OLFML1: variants seen among roughly 807,000 people sequenced by gnomAD.
The protein encoded by OLFML1 is olfactomedin like 1.
OLFML1 carries 33 observed loss-of-function variants against 37.3 expected under a neutral mutation model. The observed-to-expected ratio is 0.88, with a 90% CI of 0.67 to 1.18. The LOEUF is 1.18. OLFML1 is among the 50% of genes most tolerant of loss of function. The pLI, the probability that OLFML1 is intolerant of heterozygous loss-of-function variation, is 0.00. For synonymous variants in OLFML1, 186 were observed against 181.3 expected (o/e 1.03, Z -0.21); for missense variants, 545 against 483.7 (o/e 1.13, Z -1.19).
chr11:7,506,590 A>G (rs1164197931), intron 2 of OLFML1, among the ~76,000 whole-genome samples: 10 of 152,202 alleles, frequency 6.6e-5, no homozygotes, highest in Non-Finnish European at 2.9e-5. Flanking sequence ...TATGGTATTT[A>G]GGGCTCAGCT....
At chr11:7,492,859 ATAAC>A (rs1264266140) in intron 2 of OLFML1, among the ~76,000 whole-genome samples, 8 of 152,212 alleles carry the variant, frequency 5.3e-5, no homozygotes, top group Admixed American at 2.6e-4. Flanking sequence ...CTTTGGAACT[ATAAC>A]TATTATTAAA....
At chr11:7,495,084 C>T (rs545945235) in intron 2 of OLFML1, among the ~76,000 whole-genome samples, 2 of 152,290 alleles carry the variant, frequency 1.3e-5, no homozygotes, top group Admixed American at 1.3e-4. Flanking sequence ...CTTTGGCCCT[C>T]GTCTGACAGG....
chr11:7,500,911 A>C (rs1000244523), intron 2 of OLFML1, among the ~76,000 whole-genome samples: 3 of 152,106 alleles, frequency 2.0e-5, no homozygotes, highest in African/African-American at 7.2e-5. Context: ...TTAAAAAAAG[A>C]ATTATATGAG....
At chr11:7,503,180 G>C (rs1848743615) in intron 2 of OLFML1, among the ~76,000 whole-genome samples, 1 of 152,174 alleles carries the variant, frequency 6.6e-6, no homozygotes. Flanking sequence ...AAGATACAAA[G>C]TTGGTAGTCA....
At chr11:7,493,613 T>C (rs1264793091) in intron 2 of OLFML1, among the ~76,000 whole-genome samples, 1 of 152,212 alleles carries the variant, frequency 6.6e-6, no homozygotes, top group Non-Finnish European at 1.5e-5. Flanking sequence ...GCTTAACCTG[T>C]GCTTTCCCTT....
At chr11:7,506,747 T>C (rs902644642) in intron 2 of OLFML1, among the ~76,000 whole-genome samples, 1 of 152,098 alleles carries the variant, frequency 6.6e-6, no homozygotes, top group Non-Finnish European at 1.5e-5. Context: ...GTGGCATAAC[T>C]AGGGGTTGAT....
intron 2 of OLFML1, among the ~76,000 whole-genome samples, chr11:7,500,650 T>C (rs1590061443): frequency 6.6e-6 from 1 of 152,070 alleles, no homozygotes; most frequent in African/African-American, 2.4e-5. Context: ...TTTAGAAATA[T>C]ATTAAAATAT....
At chr11:7,489,534 G>C (rs1190583880) in intron 2 of OLFML1, among the ~76,000 whole-genome samples, 1 of 151,936 alleles carries the variant, frequency 6.6e-6, no homozygotes, top group Non-Finnish European at 1.5e-5. Flanking sequence ...GCTCACTGGA[G>C]AAACTATAGA....
At chr11:7,506,272 CAAGG>C (rs1251762053) in intron 2 of OLFML1, among the ~76,000 whole-genome samples, 1 of 152,018 alleles carries the variant, frequency 6.6e-6, no homozygotes, top group Non-Finnish European at 1.5e-5. Flanking sequence ...GATAATTCAT[CAAGG>C]AAGTCTAGAA....
At chr11:7,486,275 G>A (rs1848522421) in intron 1 of OLFML1, among the ~76,000 whole-genome samples, 1 of 152,196 alleles carries the variant, frequency 6.6e-6, no homozygotes, top group African/African-American at 2.4e-5. Context: ...TAGAATTTAT[G>A]TTGTAAGGCT....
At chr11:7,504,501 TGCTGTGG>T (rs1244410551) in intron 2 of OLFML1, among the ~76,000 whole-genome samples, 9 of 152,100 alleles carry the variant, frequency 5.9e-5, no homozygotes, top group Non-Finnish European at 1.3e-4. Flanking sequence ...CGCCTTTGGC[TGCTGTGG>T]GAATTGGACT....
chr11:7,506,500 A>G (rs1261727703), intron 2 of OLFML1, among the ~76,000 whole-genome samples: 2 of 152,150 alleles, frequency 1.3e-5, no homozygotes, highest in African/African-American at 4.8e-5. Flanking sequence ...GGGACTGGCC[A>G]GGGCGGGGTG....
intron 2 of OLFML1, among the ~76,000 whole-genome samples, chr11:7,491,099 GTA>G (rs1205791823): frequency 8.0e-5 from 12 of 149,560 alleles, no homozygotes; most frequent in Admixed American, 3.3e-4. Flanking sequence ...ATGTATGTGT[GTA>G]TATATGTATT....
chr11:7,501,654 G>A (rs994540160), intron 2 of OLFML1, among the ~76,000 whole-genome samples: 1 of 152,208 alleles, frequency 6.6e-6, no homozygotes, highest in Non-Finnish European at 1.5e-5. Context: ...CTTCTGCCAT[G>A]TGTTCCCTTC....
chr11:7,499,912 A>G (rs1848701660), intron 2 of OLFML1, among the ~76,000 whole-genome samples: 1 of 152,172 alleles, frequency 6.6e-6, no homozygotes, highest in South Asian at 2.1e-4. Context: ...TTGTTTTGAG[A>G]CAGGGTCTCC....
Position 7,509,742 on chromosome 11 carries a change from G to T in OLFML1, c.763G>T (p.Gly255Trp). ...GGAAGATCGAATGCTGCTCCCAGGA[G>T]GGGTAGGCCGAGCATTGGTTTACCA... is the stretch of plus-strand genomic sequence containing the variant. ...TVEDRMLLPG[G>W]VGRALVYQHS... The change falls in exon 3 of 3, where the codon GGG (glycine) becomes TGG (tryptophan). Residue 255 changes from glycine (G) to tryptophan (W), a missense_variant. By Grantham distance (184) the Gly-to-Trp change is radical (BLOSUM62 -2). Transcript: ENST00000329293. 2 of 1,614,232 alleles carry T rather than the reference G, an allele frequency of 1.2e-6. No individual in the cohort carries two copies. Among genetic ancestry groups the T allele is most frequent in the Non-Finnish European group, 1.7e-6 (2 of 1,180,038 alleles).
intron 2 of OLFML1, among the ~76,000 whole-genome samples, chr11:7,503,570 T>A (rs1422131644): frequency 6.6e-6 from 1 of 152,178 alleles, no homozygotes; most frequent in Non-Finnish European, 1.5e-5. Context: ...GAAGTCTGAT[T>A]AGAATGGCTT....
intron 2 of OLFML1, among the ~76,000 whole-genome samples, chr11:7,508,349 A>G (rs1295290260): frequency 6.6e-6 from 1 of 152,184 alleles, no homozygotes; most frequent in African/African-American, 2.4e-5. Flanking sequence ...ATTAGCTTGT[A>G]TTGGTCTAAA....
intron 2 of OLFML1, chr11:7,504,731 CAT>C (rs1447571714): frequency 6.6e-6 from 1 of 152,180 alleles, no homozygotes; most frequent in Non-Finnish European, 1.5e-5. Context: ...ACACAGCTGG[CAT>C]ATAGCAAACA....
Sources: allele counts gnomAD v4.1 joint callset (sites outside exome capture counted in the v4.1 genomes callset), GRCh38; gene constraint gnomAD v4.1.1; transcripts MANE v1.5; gene names NCBI Gene and HGNC (gene_info 2026-07-23, HGNC 2026-07-21).